CCDC3: variants seen among roughly 807,000 people sequenced by gnomAD.
CCDC3 encodes the protein coiled-coil domain containing 3, also known as coiled-coil domain-containing protein 3.
CCDC3 carries 24 observed loss-of-function variants against 21.4 expected under a neutral mutation model. The ratio of observed to expected loss-of-function variants is 1.12; its 90% CI spans 0.81 to 1.58. The LOEUF (loss-of-function observed/expected upper bound fraction) is 1.58, where lower values mean the gene tolerates loss of function less well. Among genes scored for constraint, CCDC3 ranks in the 40% most tolerant of loss-of-function variants. The probability of loss-of-function intolerance (pLI) is 0.00; values close to 1 mark genes in which losing one functional copy is unlikely to be tolerated. For synonymous variants in CCDC3, 186 were observed against 166.0 expected (o/e 1.12, Z -0.93); for missense variants, 425 against 360.9 (o/e 1.18, Z -1.44).
At chr10:13,053,843 C>A (rs1248655181) in intron 4 of CCDC3, among the ~76,000 whole-genome samples, 2 of 152,098 alleles carry the variant, frequency 1.3e-5, no homozygotes, top group African/African-American at 4.8e-5. Context: ...CAGAGCATCA[C>A]AAGGCAGTAG....
At chr10:12,953,394 C>T (rs1012487617) in intron 2 of CCDC3, among the ~76,000 whole-genome samples, 3 of 152,170 alleles carry the variant, frequency 2.0e-5, no homozygotes, top group African/African-American at 7.2e-5. Context: ...CCCCCTCCCG[C>T]TCCACTAGCT....
At chr10:12,995,387 G>T (rs73583879) in intron 2 of CCDC3, among the ~76,000 whole-genome samples, 4,056 of 152,122 alleles carry the variant, frequency 0.027, 211 homozygotes, top group African/African-American at 0.093. Flanking sequence ...GATTACAGGC[G>T]CGTACCACCA....
At chr10:12,972,996 C>T (rs962798204) in intron 2 of CCDC3, among the ~76,000 whole-genome samples, 6 of 152,144 alleles carry the variant, frequency 3.9e-5, no homozygotes, top group African/African-American at 1.4e-4. Flanking sequence ...AGCCTGTTTC[C>T]TCATCTGCAA....
At chr10:12,948,994 G>C (rs536544924) in intron 2 of CCDC3, among the ~76,000 whole-genome samples, 5 of 152,188 alleles carry the variant, frequency 3.3e-5, no homozygotes, top group African/African-American at 1.2e-4. Context: ...GCCTCCCAAA[G>C]TGCTGGGAGG....
In CCDC3 at chr10:12,917,793, C is replaced by T. The variant is rs1411062398; in HGVS notation, c.550-19114G>A. Among the ~76,000 whole-genome samples, 3 of 152,216 alleles carry T rather than the reference C, an allele frequency of 2.0e-5. No individual in the cohort carries two copies. The South Asian group carries it at 6.2e-4, about 32-fold the overall frequency. Reference sequence around the variant, plus strand: ...GATGACTCTTTACTTTACCGTAGTCCTTTTGTTGAGTCTGTGGGCTGTTAC... The same window carrying T: ...GATGACTCTTTACTTTACCGTAGTCTTTTTGTTGAGTCTGTGGGCTGTTAC... On this transcript the variant is annotated intron_variant, in intron 2 of 2. Transcript: ENST00000378825.
At chr10:13,058,078 C>G (rs1836705503) in intron 4 of CCDC3, 1 of 759,358 alleles carries the variant, frequency 1.3e-6, no homozygotes. Context: ...CATTCTGGCC[C>G]CTGATGTGCT....
intron 4 of CCDC3, among the ~76,000 whole-genome samples, chr10:13,064,634 A>G (rs1836802744): frequency 6.6e-6 from 1 of 152,084 alleles, no homozygotes; most frequent in African/African-American, 2.4e-5. Flanking sequence ...AAAATATAAA[A>G]AATTAGCCGG....
chr10:13,066,755 G>C (rs912998112), intron 4 of CCDC3, among the ~76,000 whole-genome samples: 6 of 152,216 alleles, frequency 3.9e-5, no homozygotes, highest in African/African-American at 1.4e-4. Context: ...GAACGGGGTG[G>C]AGCCACAGGC....
intron 4 of CCDC3, among the ~76,000 whole-genome samples, chr10:13,060,631 A>C (rs2131432177): frequency 6.6e-6 from 1 of 152,284 alleles, no homozygotes; most frequent in Admixed American, 6.5e-5. Context: ...CAGCCTCCCA[A>C]GTAGCTGGGA....
intron 3 of CCDC3, among the ~76,000 whole-genome samples, chr10:13,088,585 T>C (rs539461156): frequency 1.3e-5 from 2 of 152,054 alleles, no homozygotes; most frequent in East Asian, 1.9e-4. Flanking sequence ...CTGCAAAAAA[T>C]TGAGGCTACC....
In CCDC3 at chr10:12,916,242, G is replaced by A. The variant is rs557103939; in HGVS notation, c.550-17563C>T. Among the ~76,000 whole-genome samples, 187 of 152,204 alleles carry A rather than the reference G, an allele frequency of 1.2e-3. 1 individual carries two copies. Among genetic ancestry groups the A allele is most frequent in the Middle Eastern group, 6.8e-3 (2 of 294 alleles). On this transcript the variant is annotated intron_variant, in intron 2 of 2. Transcript: ENST00000378825. ...AGGGCAGGCGATTGAGACCAGCCTGGCCAACATGGTGAAACCCCGTCTCTA... is the reference window on the plus strand; with the variant it reads ...AGGGCAGGCGATTGAGACCAGCCTGACCAACATGGTGAAACCCCGTCTCTA...
At chr10:13,026,106 G>A (rs951123104) in intron 5 of CCDC3, among the ~76,000 whole-genome samples, 1 of 151,024 alleles carries the variant, frequency 6.6e-6, no homozygotes, top group Non-Finnish European at 1.5e-5. Context: ...GCTTGAACCC[G>A]AGAGGCAGAG....
chr10:13,032,520 G>A (rs746862704), intron 5 of CCDC3, among the ~76,000 whole-genome samples: 1 of 152,094 alleles, frequency 6.6e-6, no homozygotes. Context: ...GAAATAAAGG[G>A]TATTCAATTA....
intron 5 of CCDC3, among the ~76,000 whole-genome samples, chr10:13,013,442 G>A (rs980285191): frequency 1.3e-4 from 20 of 152,208 alleles, no homozygotes; most frequent in African/African-American, 4.6e-4. Flanking sequence ...ATAACCCATA[G>A]AATAAAATAG....
At chr10:13,067,707 G>A (rs1317241849) in intron 4 of CCDC3, among the ~76,000 whole-genome samples, 1 of 152,016 alleles carries the variant, frequency 6.6e-6, no homozygotes. Context: ...ATGATCTGTT[G>A]CTGATTCTCT....
At chr10:12,938,191 C>T (rs913635528) in intron 2 of CCDC3, among the ~76,000 whole-genome samples, 1 of 152,150 alleles carries the variant, frequency 6.6e-6, no homozygotes, top group South Asian at 2.1e-4. Context: ...CCAAACTAAC[C>T]TCCACCCACA....
chr10:12,955,470 T>C (rs1589020452), intron 2 of CCDC3, among the ~76,000 whole-genome samples: 1 of 152,176 alleles, frequency 6.6e-6, no homozygotes, highest in African/African-American at 2.4e-5. Context: ...GGGCAAGGTG[T>C]TGGGATAGAG....
chr10:13,060,194 G>A (rs1348891566), intron 4 of CCDC3, among the ~76,000 whole-genome samples: 1 of 152,144 alleles, frequency 6.6e-6, no homozygotes, highest in Non-Finnish European at 1.5e-5. Context: ...GTGAGAAAAT[G>A]CTATTTTTAC....
At chr10:12,949,262 G>A (rs146437890) in intron 2 of CCDC3, among the ~76,000 whole-genome samples, 105 of 152,256 alleles carry the variant, frequency 6.9e-4, no homozygotes, top group East Asian at 2.1e-3. Context: ...GCCTTGAACC[G>A]GGTGTGGCCA....
Sources: gnomAD v4.1 joint callset for allele counts (sites outside exome capture counted in the v4.1 genomes callset) on GRCh38, gnomAD v4.1.1 for gene constraint, MANE v1.5 for transcripts, NCBI Gene and HGNC (gene_info 2026-07-23, HGNC 2026-07-21) for gene names.